The following EPHA5 variants were observed in gnomAD, a reference collection of about 807,000 sequenced individuals.
The protein encoded by EPHA5 is ephrin type-A receptor 5.
Under a neutral mutation model 105.0 loss-of-function variants are expected in EPHA5, and 60 were observed. That is an observed-to-expected ratio of 0.57 (90% CI 0.46 to 0.71). EPHA5 has a LOEUF of 0.71. Ranked by LOEUF, EPHA5 falls within the 30% of genes least tolerant of loss-of-function variation. EPHA5 has a pLI of 0.00. For synonymous variants in EPHA5, 513 were observed against 449.1 expected (o/e 1.14, Z -1.80); for missense variants, 1,218 against 1,274.7 (o/e 0.96, Z 0.68).
chr4:65,665,825 G>A (rs1284147585), intron 1 of EPHA5, among the ~76,000 whole-genome samples: 1 of 152,144 alleles, frequency 6.6e-6, no homozygotes, highest in Non-Finnish European at 1.5e-5. Context: ...TAAGCAAAAA[G>A]CCAAAACTAT....
intron 8 of EPHA5, among the ~76,000 whole-genome samples, chr4:65,371,349 T>C (rs1039498775): frequency 2.0e-5 from 3 of 152,072 alleles, no homozygotes; most frequent in Non-Finnish European, 2.9e-5. Context: ...TAGAGAGAGA[T>C]GCTAGATATA....
intron 5 of EPHA5, among the ~76,000 whole-genome samples, chr4:65,473,959 G>A (rs1297139397): frequency 7.2e-6 from 1 of 139,696 alleles, no homozygotes; most frequent in Non-Finnish European, 1.5e-5. Context: ...ACATGTATAA[G>A]AAATGAATTC....
At chr4:65,615,974 A>G (rs910164182) in intron 2 of EPHA5, among the ~76,000 whole-genome samples, 3 of 151,934 alleles carry the variant, frequency 2.0e-5, no homozygotes, top group African/African-American at 7.2e-5. Flanking sequence ...CCACAGAAAT[A>G]CCTGTACATG....
At chr4:65,352,379 A>G (rs1413013627) in intron 12 of EPHA5, among the ~76,000 whole-genome samples, 2 of 152,018 alleles carry the variant, frequency 1.3e-5, no homozygotes, top group African/African-American at 2.4e-5. Context: ...AAAATTACAA[A>G]CTGCCAGCCT....
At chr4:65,414,786 C>T (rs972588406) in intron 6 of EPHA5, among the ~76,000 whole-genome samples, 1 of 151,932 alleles carries the variant, frequency 6.6e-6, no homozygotes, top group Admixed American at 6.6e-5. Flanking sequence ...CTTTTTTTCC[C>T]TCCAATATAG....
intron 1 of EPHA5, 28 bp downstream of exon 1, chr4:65,669,534 G>C (rs2149570323): frequency 7.4e-7 from 1 of 1,354,686 alleles, no homozygotes. Context: ...GCCCCAGGTC[G>C]CCACGGTCCC....
At chr4:65,401,803 G>A (rs536318557) in intron 8 of EPHA5, among the ~76,000 whole-genome samples, 2 of 146,544 alleles carry the variant, frequency 1.4e-5, no homozygotes, top group South Asian at 4.6e-4. Flanking sequence ...ATGTGTTTTG[G>A]GTACATACCT....
chr4:65,328,829 G>A (rs2148790133), intron 16 of EPHA5, among the ~76,000 whole-genome samples: 1 of 150,670 alleles, frequency 6.6e-6, no homozygotes, highest in Admixed American at 6.6e-5. Flanking sequence ...GTACTTTAAG[G>A]GTATAATAAA....
rs1254152543 is a variant in EPHA5 at position 65,618,017 on chromosome 4, TCTC to T, written c.247-15716_247-15714del. 5.9e-5 allele frequency among the ~76,000 whole-genome samples: 9 copies of T among 152,228 alleles called. No homozygotes were observed. The East Asian group carries it at 1.2e-3, about 20-fold the overall frequency. On this transcript the variant is annotated intron_variant, in intron 2 of 16. Coordinates refer to ENST00000613740, the MANE Select transcript of EPHA5 (RefSeq NM_001281766.3). Reference sequence around the variant, plus strand: ...GGCTTGATCTAACCAGTATTTTTCTTCTCCTCATATAAAATAGAATGTTAAAAT... The same window carrying T: ...GGCTTGATCTAACCAGTATTTTTCTTCTCATATAAAATAGAATGTTAAAAT...
At chr4:65,518,390 T>A (rs908458285) in intron 3 of EPHA5, among the ~76,000 whole-genome samples, 12 of 151,788 alleles carry the variant, frequency 7.9e-5, no homozygotes, top group African/African-American at 2.7e-4. Context: ...CATATTTTTG[T>A]TTGTTTGTAA....
At chr4:65,420,676 T>A in intron 5 of EPHA5, 111 bp from the exon 6 acceptor site, 1 of 1,044,960 alleles carries the variant, frequency 9.6e-7, no homozygotes, top group East Asian at 2.8e-5. Context: ...ATAAAAAAAA[T>A]CCCAATTAAA....
chr4:65,404,548 T>A, intron 7 of EPHA5, 69 bp from the exon 8 acceptor site: 1 of 1,299,190 alleles, frequency 7.7e-7, no homozygotes, highest in Non-Finnish European at 1.1e-6. Flanking sequence ...AAAAGTTGCT[T>A]AATAGACAGT....
At chr4:65,356,299 G>A (rs1280747723) in intron 11 of EPHA5, among the ~76,000 whole-genome samples, 1 of 151,300 alleles carries the variant, frequency 6.6e-6, no homozygotes. Flanking sequence ...TGGTAAATAT[G>A]ACCACTGCTC....
In EPHA5 at chr4:65,536,471, G is replaced by T. The variant is rs1379979810; in HGVS notation, c.911-40928C>A. Among the ~76,000 whole-genome samples the T allele has an allele frequency of 5.9e-5, 9 of 151,792 alleles. No individual in the cohort carries two copies. The South Asian group carries it at 1.0e-3, about 18-fold the overall frequency. On this transcript the variant is annotated intron_variant, in intron 3 of 16. Transcript: ENST00000613740. ...AACCATATATATTTTTTTATTAATT[G>T]TGTGAAACAAAATACAGTTTTCTTA...
chr4:65,503,357 T>G (rs1732682510), intron 3 of EPHA5, among the ~76,000 whole-genome samples: 1 of 151,844 alleles, frequency 6.6e-6, no homozygotes, highest in East Asian at 1.9e-4. Flanking sequence ...TAAAATAAAT[T>G]TAAACTACGA....
intron 15 of EPHA5, 70 bp downstream of exon 15, chr4:65,335,862 T>G (rs897424758): frequency 7.0e-7 from 1 of 1,437,078 alleles, no homozygotes; most frequent in African/African-American, 1.4e-5. Flanking sequence ...ATGATTTAAT[T>G]GATAAAATAT....
At chr4:65,607,771 T>C (rs1228634245) in intron 2 of EPHA5, among the ~76,000 whole-genome samples, 1 of 152,202 alleles carries the variant, frequency 6.6e-6, no homozygotes, top group Non-Finnish European at 1.5e-5. Flanking sequence ...GAAAACACTG[T>C]GGCAATTCCT....
At chr4:65,461,299 A>C (rs962350490) in intron 5 of EPHA5, among the ~76,000 whole-genome samples, 1 of 151,928 alleles carries the variant, frequency 6.6e-6, no homozygotes, top group African/African-American at 2.4e-5. Context: ...TGGCTATACA[A>C]TCTTGATGTT....
At position 65,335,937 on chromosome 4, in the gene EPHA5, G is replaced by T. The variant is rs1721129504; in HGVS notation, c.2784C>A (p.Ser928=). 6.2e-7 allele frequency: 1 copy of T among 1,608,502 alleles called. No individual in the cohort carries two copies. Among genetic ancestry groups the T allele is most frequent in the Middle Eastern group, 1.7e-4 (1 of 6,024 alleles). The change falls in exon 15 of 17, where the codon TCC becomes TCA. Residue 928 remains serine, a synonymous_variant. Transcript: ENST00000613740. ...PSSLKTLVNA[S]CRVSNLLAEH... is the part of the protein sequence containing the mutation. ...ACTCGGATCTGGCCTTGTACCTGCA[G>T]GATGCATTAACCAGCGTCTTCAGAC...
Sources: gnomAD v4.1 joint callset for allele counts (sites outside exome capture counted in the v4.1 genomes callset) on GRCh38, gnomAD v4.1.1 for gene constraint, MANE v1.5 for transcripts, NCBI Gene and HGNC (gene_info 2026-07-23, HGNC 2026-07-21) for gene names.